The following AKT3 variants were observed in gnomAD, a reference collection of about 807,000 sequenced individuals.
AKT3 encodes the protein RAC-gamma serine/threonine-protein kinase.
In AKT3, 15 loss-of-function variants were observed where a neutral mutation model predicts 65.3. The ratio of observed to expected loss-of-function variants is 0.23; its 90% CI spans 0.15 to 0.35. The LOEUF (loss-of-function observed/expected upper bound fraction) is 0.35, where lower values mean the gene tolerates loss of function less well. AKT3 is among the 10% of genes least tolerant of loss of function. The pLI is 1.00. For synonymous variants in AKT3, 206 were observed against 183.8 expected, an observed-to-expected ratio of 1.12 and a Z score of -0.98; for missense variants, 243 against 576.5, an observed-to-expected ratio of 0.42 and a Z score of 5.92.
intron 2 of AKT3, among the ~76,000 whole-genome samples, chr1:243,722,408 T>C (rs568102214): frequency 3.9e-5 from 6 of 152,320 alleles, no homozygotes; most frequent in African/African-American, 1.2e-4. Context: ...ATTCTGTGCA[T>C]GCTTCTGAGT....
chr1:243,844,054 T>C (rs1426865593), intron 1 of AKT3, among the ~76,000 whole-genome samples: 4 of 152,180 alleles, frequency 2.6e-5, no homozygotes, highest in Admixed American at 1.3e-4. Flanking sequence ...TAAAAAATAA[T>C]TGATTTCATA....
At chr1:243,646,516 G>C (rs1680830938) in intron 4 of AKT3, among the ~76,000 whole-genome samples, 1 of 151,920 alleles carries the variant, frequency 6.6e-6, no homozygotes, top group African/African-American at 2.4e-5. Context: ...CACAATGCCT[G>C]ACTAATTTTT....
intron 12 of AKT3, among the ~76,000 whole-genome samples, chr1:243,533,740 C>G (rs1671710698): frequency 6.6e-6 from 1 of 152,170 alleles, no homozygotes; most frequent in Admixed American, 6.5e-5. Context: ...CCTGTAATCC[C>G]AGCACTTTGG....
intron 2 of AKT3, among the ~76,000 whole-genome samples, chr1:243,820,766 G>C (rs368223453): frequency 6.6e-6 from 1 of 152,150 alleles, no homozygotes; most frequent in Non-Finnish European, 1.5e-5. Context: ...GAAAACCTCT[G>C]AGAACTATGG....
chr1:243,581,579 AAAAG>A (rs1378517107), intron 8 of AKT3, among the ~76,000 whole-genome samples: 2 of 152,110 alleles, frequency 1.3e-5, no homozygotes, highest in Non-Finnish European at 2.9e-5. Context: ...TAGGGAAAGA[AAAAG>A]AAAGAAAAAA....
At chr1:243,670,760 CTAGT>C (rs1425028143) in intron 3 of AKT3, among the ~76,000 whole-genome samples, 5 of 152,138 alleles carry the variant, frequency 3.3e-5, no homozygotes, top group African/African-American at 1.2e-4. Flanking sequence ...TAGTTATACA[CTAGT>C]TAAACTCTAC....
chr1:243,518,629 CA>C (rs973833823), intron 12 of AKT3, among the ~76,000 whole-genome samples: 1 of 150,560 alleles, frequency 6.6e-6, no homozygotes, highest in Non-Finnish European at 1.5e-5. Context: ...CGTCAAACAA[CA>C]AAAAAAAACT....
chr1:243,627,962 G>A (rs781414460), intron 6 of AKT3, among the ~76,000 whole-genome samples: 41 of 152,138 alleles, frequency 2.7e-4, no homozygotes, highest in Non-Finnish European at 3.7e-4. Context: ...GGGTCCTTAC[G>A]ATATACACTC....
chr1:243,773,360 T>C (rs1487507931), intron 2 of AKT3, among the ~76,000 whole-genome samples: 2 of 151,894 alleles, frequency 1.3e-5, no homozygotes, highest in Non-Finnish European at 2.9e-5. Flanking sequence ...ACTGGCTTGG[T>C]GGTAAAAGTA....
intron 3 of AKT3, among the ~76,000 whole-genome samples, chr1:243,678,515 A>G (rs1267601647): frequency 6.6e-6 from 1 of 152,230 alleles, no homozygotes; most frequent in Non-Finnish European, 1.5e-5. Flanking sequence ...TATTTTTTAA[A>G]TAGTAACTAC....
chr1:243,517,629 T>C (rs907485368), intron 12 of AKT3, among the ~76,000 whole-genome samples: 6 of 152,242 alleles, frequency 3.9e-5, no homozygotes, highest in Non-Finnish European at 7.3e-5. Context: ...AGTTTTCTTC[T>C]GATTAGGTTG....
At chr1:243,692,166 G>A (rs1472875428) in intron 3 of AKT3, among the ~76,000 whole-genome samples, 1 of 152,108 alleles carries the variant, frequency 6.6e-6, no homozygotes, top group East Asian at 1.9e-4. Flanking sequence ...AAGCAGGAAG[G>A]CCATTCTTAC....
At chr1:243,698,913 CAAA>C (rs536512566) in intron 2 of AKT3, among the ~76,000 whole-genome samples, 23 of 115,466 alleles carry the variant, frequency 2.0e-4, no homozygotes, top group Admixed American at 1.8e-4. Context: ...GAGGCTGGAC[CAAA>C]AAAAAAAAAA....
chr1:243,681,045 T>A (rs769899695), intron 3 of AKT3, among the ~76,000 whole-genome samples: 15 of 152,072 alleles, frequency 9.9e-5, no homozygotes, highest in Non-Finnish European at 2.2e-4. Flanking sequence ...ATTAGTTAAG[T>A]AGGAATATGG....
chr1:243,581,847 T>TA (rs1675385813), intron 8 of AKT3, among the ~76,000 whole-genome samples: 1 of 151,824 alleles, frequency 6.6e-6, no homozygotes, highest in Non-Finnish European at 1.5e-5. Context: ...AAAAAACTTC[T>TA]AAAGTAATCC....
chr1:243,849,956 A>C, intron 1 of AKT3, 84 bp downstream of exon 1: 1 of 921,170 alleles, frequency 1.1e-6, no homozygotes, highest in Non-Finnish European at 1.3e-6. Context: ...TGAGGGAGGC[A>C]GGGAGGGCGG....
intron 2 of AKT3, among the ~76,000 whole-genome samples, chr1:243,830,663 G>A (rs1422613839): frequency 6.6e-6 from 1 of 152,134 alleles, no homozygotes; most frequent in East Asian, 1.9e-4. Context: ...TAGAAACACA[G>A]TAGAAAAGAT....
chr1:243,748,668 AAC>A (rs975822187), intron 2 of AKT3, among the ~76,000 whole-genome samples: 17 of 152,204 alleles, frequency 1.1e-4, no homozygotes, highest in Non-Finnish European at 1.5e-4. Context: ...CAATAATGCA[AAC>A]ACAGTATTAA....
intron 8 of AKT3, among the ~76,000 whole-genome samples, chr1:243,586,370 T>C (rs1212458102): frequency 6.6e-6 from 1 of 152,176 alleles, no homozygotes; most frequent in Non-Finnish European, 1.5e-5. Context: ...AAGCTACCAT[T>C]TGACCCAGCA....
Sources: gnomAD v4.1 joint callset for allele counts (sites outside exome capture counted in the v4.1 genomes callset) on GRCh38, gnomAD v4.1.1 for gene constraint, MANE v1.5 for transcripts, NCBI Gene and HGNC (gene_info 2026-07-23, HGNC 2026-07-21) for gene names.